MTUS2: variants seen among roughly 807,000 people sequenced by gnomAD.
MTUS2 encodes microtubule associated scaffold protein 2.
Under a neutral mutation model 114.1 loss-of-function variants are expected in MTUS2, and 40 were observed. The observed-to-expected ratio is 0.35, with a 90% CI of 0.27 to 0.46. MTUS2 has a LOEUF of 0.46. MTUS2 is among the 20% of genes least tolerant of loss of function. MTUS2 has a pLI of 1.00. For missense variants in MTUS2, 1,679 were observed against 1,705.4 expected, an observed-to-expected ratio of 0.98 and a Z score of 0.27; for synonymous variants, 688 against 672.0, an observed-to-expected ratio of 1.02 and a Z score of -0.37.
At chr13:29,039,719 C>T (rs570818754) in intron 4 of MTUS2, among the ~76,000 whole-genome samples, 132 of 152,316 alleles carry the variant, frequency 8.7e-4, no homozygotes, top group African/African-American at 3.0e-3. Flanking sequence ...CACTTGGATA[C>T]TCTTTCAAGG....
intron 8 of MTUS2, among the ~76,000 whole-genome samples, chr13:29,389,660 T>C (rs1326082738): frequency 3.4e-5 from 5 of 145,270 alleles, no homozygotes; most frequent in Non-Finnish European, 7.5e-5. Flanking sequence ...TACGTATATA[T>C]GTATATGTAT....
chr13:29,001,386 A>T (rs1465238810), intron 2 of MTUS2, among the ~76,000 whole-genome samples: 1 of 152,066 alleles, frequency 6.6e-6, no homozygotes, highest in East Asian at 1.9e-4. Context: ...CAGATGCTGG[A>T]TCTATTTTTA....
intron 6 of MTUS2, among the ~76,000 whole-genome samples, chr13:29,321,774 A>G: frequency 6.6e-6 from 1 of 152,232 alleles, no homozygotes. Context: ...AATCCTACTG[A>G]TTAGAAGTAA....
chr13:28,829,683 G>T (rs965941388), intron 1 of MTUS2, among the ~76,000 whole-genome samples: 2 of 152,212 alleles, frequency 1.3e-5, no homozygotes, highest in Non-Finnish European at 2.9e-5. Context: ...AGCTTGTTTT[G>T]CAGAGCCCTG....
intron 8 of MTUS2, among the ~76,000 whole-genome samples, chr13:29,360,111 G>T (rs1390747245): frequency 6.6e-6 from 1 of 152,184 alleles, no homozygotes; most frequent in Non-Finnish European, 1.5e-5. Context: ...CCTTTCCCCA[G>T]GGAACAGAGG....
intron 2 of MTUS2, among the ~76,000 whole-genome samples, chr13:28,991,043 G>A (rs552734757): frequency 3.3e-5 from 5 of 151,584 alleles, no homozygotes; most frequent in African/African-American, 4.8e-5. Flanking sequence ...AGAGCAAGAG[G>A]GAACCACTTA....
chr13:29,064,625 A>G (rs1199447751), intron 4 of MTUS2, among the ~76,000 whole-genome samples: 1 of 152,090 alleles, frequency 6.6e-6, no homozygotes, highest in Admixed American at 6.5e-5. Flanking sequence ...TGTGATCACA[A>G]TAAATTTTTT....
chr13:28,859,640 A>G (rs948468762), intron 2 of MTUS2, among the ~76,000 whole-genome samples: 1 of 152,154 alleles, frequency 6.6e-6, no homozygotes, highest in Admixed American at 6.5e-5. Context: ...ACAGAGGTAC[A>G]TTTGTATTTT....
intron 2 of MTUS2, among the ~76,000 whole-genome samples, chr13:28,933,281 T>G (rs992090361): frequency 6.6e-6 from 1 of 152,118 alleles, no homozygotes; most frequent in African/African-American, 2.4e-5. Flanking sequence ...GTAGAGTGGA[T>G]GTTGTAATCT....
At chr13:29,227,776 A>G (rs1341241972) in intron 5 of MTUS2, among the ~76,000 whole-genome samples, 1 of 152,346 alleles carries the variant, frequency 6.6e-6, no homozygotes, top group Non-Finnish European at 1.5e-5. Context: ...GAAGTTACAT[A>G]CTATTTCTAT....
At chr13:29,468,725 G>A (rs1447619534) in intron 9 of MTUS2, among the ~76,000 whole-genome samples, 1 of 152,000 alleles carries the variant, frequency 6.6e-6, no homozygotes, top group Non-Finnish European at 1.5e-5. Context: ...TAAATCAGGG[G>A]GAAAATGCCT....
At chr13:29,022,010 G>A (rs1045790001) in intron 2 of MTUS2, among the ~76,000 whole-genome samples, 1 of 152,128 alleles carries the variant, frequency 6.6e-6, no homozygotes, top group Non-Finnish European at 1.5e-5. Flanking sequence ...TGAGGGAGTC[G>A]TGGAAAGAAC....
chr13:29,177,598 G>T (rs1424501676), intron 5 of MTUS2, among the ~76,000 whole-genome samples: 1 of 152,140 alleles, frequency 6.6e-6, no homozygotes, highest in Non-Finnish European at 1.5e-5. Flanking sequence ...ACTGGAACAT[G>T]TAATGAAACT....
At chr13:28,927,937 A>G (rs971630689) in intron 2 of MTUS2, among the ~76,000 whole-genome samples, 3 of 152,194 alleles carry the variant, frequency 2.0e-5, no homozygotes, top group Non-Finnish European at 4.4e-5. Flanking sequence ...AATGGAACAG[A>G]TAGAGAACCC....
intron 10 of MTUS2, chr13:29,487,695 C>G: frequency 3.4e-6 from 2 of 592,284 alleles, no homozygotes; most frequent in East Asian, 2.9e-5. Flanking sequence ...AGTTGGACCC[C>G]CCTACAAAGA....
intron 2 of MTUS2, among the ~76,000 whole-genome samples, chr13:28,877,587 A>G (rs1046406131): frequency 2.0e-5 from 3 of 152,150 alleles, no homozygotes; most frequent in Admixed American, 6.5e-5. Context: ...AAAACCTCAC[A>G]TTACTCATCG....
chr13:29,394,988 G>C (rs1348243577), intron 8 of MTUS2, among the ~76,000 whole-genome samples: 2 of 152,162 alleles, frequency 1.3e-5, no homozygotes, highest in African/African-American at 4.8e-5. Context: ...AACAAGGTTG[G>C]GGGCCACTGC....
At chr13:29,331,741 C>T (rs927246841) in intron 7 of MTUS2, among the ~76,000 whole-genome samples, 2 of 152,092 alleles carry the variant, frequency 1.3e-5, no homozygotes, top group African/African-American at 2.4e-5. Context: ...CCATAAATAC[C>T]TAGTTTATTG....
intron 4 of MTUS2, among the ~76,000 whole-genome samples, chr13:29,064,206 G>T (rs563034191): frequency 1.1e-4 from 16 of 152,172 alleles, no homozygotes; most frequent in Non-Finnish European, 2.1e-4. Context: ...TGGACTAAGT[G>T]AAACAGCGAG....
Sources: allele counts gnomAD v4.1 joint callset (sites outside exome capture counted in the v4.1 genomes callset), GRCh38; gene constraint gnomAD v4.1.1; transcripts MANE v1.5; gene names NCBI Gene and HGNC (gene_info 2026-07-23, HGNC 2026-07-21).